Variants in RBL1 observed in about 807,000 individuals in gnomAD.
The protein encoded by RBL1 is retinoblastoma-like protein 1.
In RBL1, 82 loss-of-function variants were observed where a neutral mutation model predicts 123.0. That is an observed-to-expected ratio of 0.67 (90% confidence interval 0.56 to 0.80). RBL1 has a LOEUF of 0.80. Ranked by LOEUF, RBL1 falls within the 30% of genes least tolerant of loss-of-function variation. The pLI is 0.00. For missense variants in RBL1, 1,171 were observed against 1,299.6 expected (o/e 0.90, Z 1.52); for synonymous variants, 405 against 441.3 (o/e 0.92, Z 1.03).
At chr20:37,017,620 T>TGTGTGTGTGTG (rs1600471145) in intron 19 of RBL1, among the ~76,000 whole-genome samples, 68 of 139,722 alleles carry the variant, frequency 4.9e-4, no homozygotes, top group African/African-American at 1.7e-3. Context: ...GGACATTTTC[T>TGTGTGTGTGTG]TGTGTGTGTG....
rs868122770 is a variant in RBL1, at chr20:37,069,679, C to T, written c.291-1493G>A. On this transcript the variant is annotated intron_variant, in intron 2 of 21. Coordinates refer to ENST00000373664, the MANE Select transcript of RBL1 (RefSeq NM_002895.5). ...CTGAGAAGTGAGGAGCCTCTCCGCC[C>T]GACAGCCACCCAGTCTGGGAAGTGA... Among the ~76,000 whole-genome samples the T allele has an allele frequency of 1.2e-4, 18 of 151,220 alleles. No homozygotes were observed. The South Asian group carries it at 1.9e-3, about 16-fold the overall frequency.
At chr20:37,080,050 T>C (rs1214792740) in intron 2 of RBL1, among the ~76,000 whole-genome samples, 1 of 150,692 alleles carries the variant, frequency 6.6e-6, no homozygotes, top group Non-Finnish European at 1.5e-5. Flanking sequence ...TGCTATAATT[T>C]TGATAGAATG....
chr20:37,032,628 T>A (rs1341438024), intron 16 of RBL1, 37 bp downstream of exon 16: 3 of 1,605,394 alleles, frequency 1.9e-6, no homozygotes, highest in Non-Finnish European at 1.7e-6. Context: ...TTCCATTGAT[T>A]AAACAAATTC....
At chr20:37,000,640 AGG>A (rs1159500953) in intron 21 of RBL1, among the ~76,000 whole-genome samples, 38 of 118,834 alleles carry the variant, frequency 3.2e-4, no homozygotes, top group African/African-American at 8.0e-4. Context: ...CCGGGAGGTG[AGG>A]GGCGCCTCTG....
At chr20:37,025,964 C>T (rs1182065036) in intron 16 of RBL1, among the ~76,000 whole-genome samples, 1 of 151,974 alleles carries the variant, frequency 6.6e-6, no homozygotes, top group Non-Finnish European at 1.5e-5. Flanking sequence ...AGGATGGTCT[C>T]GAACTCCTGA....
Position 37,065,474 on chromosome 20 carries a change from C to T in RBL1, c.847-1G>A, listed in dbSNP as rs940225134. Reference sequence around the variant, plus strand: ...CCAGGAGGCATTCTCCTTTTAATATCTGTGAACAAAAAATTATTTTGGGAC... The same window carrying T: ...CCAGGAGGCATTCTCCTTTTAATATTTGTGAACAAAAAATTATTTTGGGAC... On this transcript the variant is annotated splice_acceptor_variant, in intron 6 of 21. Transcript: ENST00000373664. LOFTEE classifies it high-confidence loss of function. 1.3e-6 allele frequency: 2 copies of T among 1,589,078 alleles called. No homozygotes were observed. Among genetic ancestry groups the T allele is most frequent in the African/African-American group, 2.7e-5 (2 of 74,210 alleles).
chr20:37,059,195 T>C (rs765399216), intron 9 of RBL1, among the ~76,000 whole-genome samples: 4 of 152,248 alleles, frequency 2.6e-5, no homozygotes, highest in Admixed American at 6.5e-5. Context: ...GGAAGGTAGA[T>C]CCGTGACAGT....
rs376790278 is a variant in RBL1, at chr20:37,067,966, T to C, written c.491+20A>G. On this transcript the variant is annotated intron_variant, in intron 3 of 21. Transcript: ENST00000373664. Reference sequence around the variant, plus strand: ...TGTATCATAATCTTTATGTCAATTATATAAGGATTAAGGGCTCACCTCTGC... The same window carrying C: ...TGTATCATAATCTTTATGTCAATTACATAAGGATTAAGGGCTCACCTCTGC... The C allele has an allele frequency of 6.2e-6, 10 of 1,603,808 alleles. No individual in the cohort carries two copies. The highest frequency in any genetic ancestry group is 4.0e-5 in the African/African-American group (3 of 74,124).
intron 2 of RBL1, among the ~76,000 whole-genome samples, chr20:37,083,026 T>A (rs1329709029): frequency 6.6e-6 from 1 of 151,978 alleles, no homozygotes; most frequent in Non-Finnish European, 1.5e-5. Flanking sequence ...GTTAAAAAAA[T>A]TATATTTAAG....
At position 37,032,942 on chromosome 20, in the gene RBL1, T is replaced by A. The variant is rs2064538375; in HGVS notation, c.2171-66A>T. The A allele has an allele frequency of 8.9e-6, 14 of 1,578,324 alleles. No homozygotes were observed. In the South Asian group the frequency reaches 1.5e-4, roughly 17 times the overall value. On this transcript the variant is annotated intron_variant, in intron 15 of 21. Coordinates refer to ENST00000373664, the MANE Select transcript of RBL1 (RefSeq NM_002895.5). ...CTAGGAAAGTTGTCAACTATATATA[T>A]TTTGACAATTATATATACATATATC... is the stretch of plus-strand genomic sequence containing the variant.
intron 13 of RBL1, among the ~76,000 whole-genome samples, chr20:37,041,500 T>A (rs2064726174): frequency 6.6e-6 from 1 of 152,084 alleles, no homozygotes; most frequent in South Asian, 2.1e-4. Flanking sequence ...TTTTTGTATT[T>A]TTAGTAGAGA....
intron 2 of RBL1, among the ~76,000 whole-genome samples, chr20:37,082,424 C>T (rs901084615): frequency 1.3e-5 from 2 of 152,042 alleles, no homozygotes; most frequent in Non-Finnish European, 2.9e-5. Flanking sequence ...AAATTGTCAA[C>T]TTTATGAATT....
intron 13 of RBL1, among the ~76,000 whole-genome samples, chr20:37,040,569 T>C (rs1332309127): frequency 1.3e-5 from 2 of 152,132 alleles, no homozygotes; most frequent in African/African-American, 4.8e-5. Context: ...GCCAGGCTGA[T>C]CTCGAATTCC....
chr20:37,033,931 T>C (rs1433942568), intron 15 of RBL1, among the ~76,000 whole-genome samples: 9 of 144,142 alleles, frequency 6.2e-5, no homozygotes, highest in East Asian at 4.3e-4. Context: ...CCGGGCCCCC[T>C]TTTTTTTTTC....
At chr20:37,032,958 T>C in intron 15 of RBL1, 82 bp from the exon 16 acceptor site, 1 of 1,524,428 alleles carries the variant, frequency 6.6e-7, no homozygotes, top group South Asian at 1.3e-5. Flanking sequence ...CAATTATATA[T>C]ACATATATCT....
chr20:37,038,868 G>A (rs2064675385), intron 14 of RBL1, among the ~76,000 whole-genome samples: 1 of 152,156 alleles, frequency 6.6e-6, no homozygotes, highest in South Asian at 2.1e-4. Flanking sequence ...CTCCCAAAGT[G>A]CTGGGATTAC....
intron 13 of RBL1, among the ~76,000 whole-genome samples, chr20:37,042,089 A>G (rs1425160393): frequency 6.6e-6 from 1 of 151,674 alleles, no homozygotes; most frequent in African/African-American, 2.4e-5. Context: ...AAAAAAAAAA[A>G]AAGAAAGTGA....
rs143483819 is a variant in RBL1, at chr20:37,035,312, T to A, written c.2100A>T (p.Gln700His). Residue 700 changes from glutamine (Q) to histidine (H), a missense_variant, in exon 15 of 22, where the codon CAA becomes CAT. Physicochemically the swap from Gln to His is conservative, Grantham distance 24. Transcript: ENST00000373664. Reference sequence around the variant, plus strand: ...GGGCTGTGGCCATTGTTAGAAGAGTTTGACCAGGTAAAATTGATACATTTT... The same window carrying A: ...GGGCTGTGGCCATTGTTAGAAGAGTATGACCAGGTAAAATTGATACATTTT... ...TAENVSILPGQTLLTMATAPV... is the reference protein window; with the variant it reads ...TAENVSILPGHTLLTMATAPV... 1.8e-5 allele frequency: 29 copies of A among 1,613,966 alleles called. No homozygotes were observed. Among genetic ancestry groups the A allele is most frequent in the Non-Finnish European group, 2.3e-5 (27 of 1,179,942 alleles).
At chr20:37,046,966 G>A in intron 12 of RBL1, 87 bp downstream of exon 12, 1 of 1,445,118 alleles carries the variant, frequency 6.9e-7, no homozygotes, top group East Asian at 2.6e-5. Flanking sequence ...TATCACAACA[G>A]TGTTTTTCTT....
Sources: gnomAD v4.1 joint callset for allele counts (sites outside exome capture counted in the v4.1 genomes callset) on GRCh38, gnomAD v4.1.1 for gene constraint, MANE v1.5 for transcripts, NCBI Gene and HGNC (gene_info 2026-07-23, HGNC 2026-07-21) for gene names.